The following CTNNA2 variants were observed in gnomAD, a reference collection of about 807,000 sequenced individuals.
CTNNA2 encodes the protein catenin alpha-2.
Under a neutral mutation model 101.0 loss-of-function variants are expected in CTNNA2, and 42 were observed. The observed-to-expected ratio is 0.42, with a 90% confidence interval of 0.32 to 0.54. CTNNA2 has a LOEUF of 0.54. CTNNA2 is among the 20% of genes least tolerant of loss of function. The probability of loss-of-function intolerance (pLI) is 0.14; values close to 1 mark genes in which losing one functional copy is unlikely to be tolerated. For synonymous variants in CTNNA2, 450 were observed against 456.4 expected, an observed-to-expected ratio of 0.99 and a Z score of 0.18; for missense variants, 871 against 1,223.1, an observed-to-expected ratio of 0.71 and a Z score of 4.29.
intron 2 of CTNNA2, among the ~76,000 whole-genome samples, chr2:79,220,416 C>A (rs551823388): frequency 7.9e-5 from 12 of 152,060 alleles, no homozygotes; most frequent in African/African-American, 2.9e-4. Flanking sequence ...ACACTGAATC[C>A]CAGAAGTAGA....
chr2:80,174,097 C>T (rs753487868), intron 7 of CTNNA2, among the ~76,000 whole-genome samples: 7 of 152,066 alleles, frequency 4.6e-5, no homozygotes, highest in Non-Finnish European at 8.8e-5. Flanking sequence ...AATATAAAGT[C>T]GTTTTCTCAA....
At chr2:80,016,915 A>G (rs1044816344) in intron 7 of CTNNA2, among the ~76,000 whole-genome samples, 20 of 152,248 alleles carry the variant, frequency 1.3e-4, no homozygotes, top group African/African-American at 4.6e-4. Flanking sequence ...TTTCTAGTGC[A>G]TAAATTAAGG....
At chr2:80,334,080 T>C (rs1054530388) in intron 7 of CTNNA2, among the ~76,000 whole-genome samples, 1 of 152,208 alleles carries the variant, frequency 6.6e-6, no homozygotes, top group Non-Finnish European at 1.5e-5. Flanking sequence ...ACCTTTCTGC[T>C]GTCAGAATGA....
intron 7 of CTNNA2, among the ~76,000 whole-genome samples, chr2:80,033,667 C>T (rs1395716175): frequency 6.6e-6 from 1 of 152,042 alleles, no homozygotes; most frequent in African/African-American, 2.4e-5. Flanking sequence ...GCAAATTAGA[C>T]AATGAATGAA....
intron 1 of CTNNA2, among the ~76,000 whole-genome samples, chr2:79,610,428 A>C (rs1356798330): frequency 6.6e-6 from 1 of 152,192 alleles, no homozygotes; most frequent in East Asian, 1.9e-4. Context: ...GAATGTTTAT[A>C]GCTGCTTTAT....
intron 1 of CTNNA2, among the ~76,000 whole-genome samples, chr2:79,525,132 G>C (rs754486205): frequency 6.6e-6 from 1 of 151,784 alleles, no homozygotes; most frequent in Non-Finnish European, 1.5e-5. Flanking sequence ...GTGCTAATAC[G>C]AGACCTTCAT....
At chr2:80,092,605 A>G (rs1699854970) in intron 7 of CTNNA2, among the ~76,000 whole-genome samples, 1 of 152,148 alleles carries the variant, frequency 6.6e-6, no homozygotes, top group Non-Finnish European at 1.5e-5. Flanking sequence ...TCCTTTTTCA[A>G]CATAGAAGAC....
intron 3 of CTNNA2, among the ~76,000 whole-genome samples, chr2:79,807,674 T>C (rs986692706): frequency 6.6e-6 from 1 of 152,330 alleles, no homozygotes; most frequent in African/African-American, 2.4e-5. Context: ...GAATAGCAGT[T>C]ACATTACACA....
At chr2:79,397,595 A>C (rs1394207049) in intron 4 of CTNNA2, among the ~76,000 whole-genome samples, 1 of 152,118 alleles carries the variant, frequency 6.6e-6, no homozygotes, top group Non-Finnish European at 1.5e-5. Context: ...TTTGCAGAGA[A>C]GTCTTCAGTC....
At chr2:80,527,012 G>A (rs898921851) in intron 9 of CTNNA2, among the ~76,000 whole-genome samples, 4 of 151,866 alleles carry the variant, frequency 2.6e-5, no homozygotes, top group Non-Finnish European at 4.4e-5. Flanking sequence ...CTGCATTTCA[G>A]GGGAAAAAAT....
At chr2:79,607,326 G>A (rs1430029972) in intron 1 of CTNNA2, among the ~76,000 whole-genome samples, 1 of 152,166 alleles carries the variant, frequency 6.6e-6, no homozygotes, top group Non-Finnish European at 1.5e-5. Context: ...AAATCTTAGT[G>A]CTTAATTGAA....
chr2:79,235,437 T>C (rs979734346), intron 2 of CTNNA2, among the ~76,000 whole-genome samples: 4 of 151,966 alleles, frequency 2.6e-5, no homozygotes, highest in African/African-American at 9.7e-5. Flanking sequence ...GGGAGAGAGA[T>C]GGCCCCCTCA....
intron 11 of CTNNA2, among the ~76,000 whole-genome samples, chr2:80,554,628 A>G (rs929312573): frequency 6.6e-6 from 1 of 152,192 alleles, no homozygotes. Flanking sequence ...CACTAATTCC[A>G]TTCCTTAAGA....
At position 79,829,412 on chromosome 2, in the gene CTNNA2, CACAGACACAA is replaced by C. The variant is rs1371786227; in HGVS notation, c.299-28599_299-28590del. On this transcript the variant is annotated intron_variant, in intron 3 of 18. Transcript: ENST00000402739. ...ACACACACACACACACACACACACACACAGACACAAAGCCGGGCGAGATGGCGGGCGCCTG... is the reference window on the plus strand; with the variant it reads ...ACACACACACACACACACACACACACAGCCGGGCGAGATGGCGGGCGCCTG... Among the ~76,000 whole-genome samples, 231 of 127,322 alleles carry C rather than the reference CACAGACACAA, an allele frequency of 1.8e-3. 1 individual carries two copies. The highest frequency in any genetic ancestry group is 0.011 in the Admixed American group (136 of 12,794). The allele number at this position is 127,322 out of a possible 152,430, so 83.5% of individuals were successfully genotyped here.
intron 1 of CTNNA2, among the ~76,000 whole-genome samples, chr2:79,643,146 G>A (rs1048359313): frequency 3.9e-5 from 6 of 152,134 alleles, no homozygotes; most frequent in Non-Finnish European, 5.9e-5. Context: ...AGCCTAGATC[G>A]TGCCGCTTCA....
chr2:79,223,023 G>A (rs1487074545), intron 2 of CTNNA2, among the ~76,000 whole-genome samples: 2 of 152,232 alleles, frequency 1.3e-5, no homozygotes, highest in East Asian at 1.9e-4. Flanking sequence ...TAGTGCAAGT[G>A]GTGGAGCACA....
intron 7 of CTNNA2, among the ~76,000 whole-genome samples, chr2:80,083,174 GA>G (rs1699249476): frequency 2.0e-5 from 3 of 152,096 alleles, no homozygotes; most frequent in Admixed American, 6.6e-5. Context: ...CTGGGGCTGT[GA>G]AGTCATTGGC....
intron 9 of CTNNA2, among the ~76,000 whole-genome samples, chr2:80,456,203 G>C (rs1169884723): frequency 1.3e-5 from 2 of 152,148 alleles, no homozygotes; most frequent in Non-Finnish European, 2.9e-5. Context: ...TGGTGACATG[G>C]AGTACCCGGG....
chr2:80,124,828 G>A (rs1306148464), intron 7 of CTNNA2, among the ~76,000 whole-genome samples: 1 of 152,104 alleles, frequency 6.6e-6, no homozygotes, highest in Non-Finnish European at 1.5e-5. Context: ...GTCAAGCTTT[G>A]GACATCAGCA....
Sources: gnomAD v4.1 joint callset for allele counts (sites outside exome capture counted in the v4.1 genomes callset) on GRCh38, gnomAD v4.1.1 for gene constraint, MANE v1.5 for transcripts, NCBI Gene and HGNC (gene_info 2026-07-23, HGNC 2026-07-21) for gene names.